PCMTD2: variants seen among roughly 807,000 people sequenced by gnomAD.
PCMTD2 encodes protein-L-isoaspartate O-methyltransferase domain-containing protein 2.
A neutral mutation model predicts 33.4 loss-of-function variants in PCMTD2; 16 were observed. The ratio of observed to expected loss-of-function variants is 0.48; its 90% confidence interval spans 0.32 to 0.73. PCMTD2 has a LOEUF of 0.73. PCMTD2 is among the 30% of genes least tolerant of loss of function. The probability of loss-of-function intolerance (pLI) is 0.03; values close to 1 mark genes in which losing one functional copy is unlikely to be tolerated. For missense variants in PCMTD2, 374 were observed against 449.9 expected (o/e 0.83, Z 1.53); for synonymous variants, 161 against 160.8 (o/e 1.00, Z -0.01).
At chr20:64,257,117 T>C (rs573133796) in intron 1 of PCMTD2, 2 of 152,390 alleles carry the variant, frequency 1.3e-5, no homozygotes, top group East Asian at 3.9e-4. Flanking sequence ...TTGGGTCCTT[T>C]TCCCCACTCA....
chr20:64,256,714 G>C (rs1985184327), intron 1 of PCMTD2: 2 of 152,332 alleles, frequency 1.3e-5, no homozygotes, highest in African/African-American at 4.8e-5. Flanking sequence ...GACCGATCCA[G>C]GGCCTTGCTC....
chr20:64,261,048 A>G (rs1227193460), intron 2 of PCMTD2, among the ~76,000 whole-genome samples: 2 of 152,128 alleles, frequency 1.3e-5, no homozygotes. Context: ...AATTAGTTTC[A>G]GGGATGGAAG....
chr20:64,264,018 A>G (rs1985547009), intron 2 of PCMTD2, among the ~76,000 whole-genome samples: 1 of 152,170 alleles, frequency 6.6e-6, no homozygotes, highest in Non-Finnish European at 1.5e-5. Context: ...TTTTATCTTA[A>G]TGATGATGAT....
intron 5 of PCMTD2, among the ~76,000 whole-genome samples, chr20:64,270,713 T>TA (rs1229247359): frequency 6.6e-6 from 1 of 152,178 alleles, no homozygotes; most frequent in Admixed American, 6.5e-5. Context: ...GATTCAGTGA[T>TA]ACATAAAATG....
At position 64,275,454 on chromosome 20, in the gene PCMTD2, A is replaced by G. The variant is rs1986068828; in HGVS notation, c.*1854A>G. 1 of 152,160 alleles carries G rather than the reference A, an allele frequency of 6.6e-6. No individual in the cohort carries two copies. The highest frequency in any genetic ancestry group is 2.1e-4 in the South Asian group (1 of 4,832). 9.4% of individuals were successfully genotyped at this position (152,160 alleles called of 1,614,324 possible). A position where few individuals can be genotyped will look rare whatever the true frequency, so the allele number is the denominator to read the frequency against. ...TTTTAAAAAAACCGCATTTGCCTTT[A>G]TGCTAGATTGTAAAAAATTATATTA... On this transcript the variant is annotated 3_prime_UTR_variant, in exon 6 of 6. Transcript: ENST00000308824.
chr20:64,269,654 G>T (rs1985803444), intron 5 of PCMTD2, among the ~76,000 whole-genome samples: 1 of 152,038 alleles, frequency 6.6e-6, no homozygotes, highest in South Asian at 2.1e-4. Context: ...GCGTGGTGTG[G>T]GGTGTGTAAG....
intron 5 of PCMTD2, among the ~76,000 whole-genome samples, chr20:64,272,400 C>CT (rs1341781782): frequency 6.6e-6 from 1 of 152,190 alleles, no homozygotes; most frequent in Non-Finnish European, 1.5e-5. Context: ...GTCAAATGTT[C>CT]TTTCTCCTTG....
chr20:64,257,343 G>C (rs539344465), intron 1 of PCMTD2, among the ~76,000 whole-genome samples: 9 of 152,236 alleles, frequency 5.9e-5, no homozygotes, highest in Admixed American at 4.6e-4. Context: ...AGTTCGCATT[G>C]TAAGGAGCAG....
At chr20:64,270,092 TGAG>T (rs1165937498) in intron 5 of PCMTD2, among the ~76,000 whole-genome samples, 1 of 135,978 alleles carries the variant, frequency 7.4e-6, no homozygotes, top group Non-Finnish European at 1.6e-5. Context: ...TGTGGGGTCT[TGAG>T]TTCAGGCGTG....
At chr20:64,273,060 T>C (rs1985970669) in intron 5 of PCMTD2, among the ~76,000 whole-genome samples, 161 bp from the exon 6 acceptor site, 1 of 152,230 alleles carries the variant, frequency 6.6e-6, no homozygotes, top group African/African-American at 2.4e-5. Flanking sequence ...GATTGTAAAT[T>C]AGAGCACTAA....
chr20:64,259,941 G>T lies in PCMTD2; in HGVS notation c.-24-1G>T. On this transcript the variant is annotated splice_acceptor_variant, in intron 1 of 5. Coordinates refer to ENST00000308824, the MANE Select transcript of PCMTD2 (RefSeq NM_018257.3). LOFTEE classifies it low-confidence loss of function (5UTR_SPLICE). ...CTCTTTTTAAACATTTTTAATTATA[G>T]TATTGCCTAAGTGTAATCTTGAACA... is the stretch of plus-strand genomic sequence containing the variant. 1 of 1,494,880 alleles carries T rather than the reference G, an allele frequency of 6.7e-7. No individual in the cohort carries two copies. The highest frequency in any genetic ancestry group is 9.3e-7 in the Non-Finnish European group (1 of 1,077,616). The allele number at this position is 1,494,880 out of a possible 1,614,324, so 92.6% of individuals were successfully genotyped here.
At chr20:64,264,561 A>G in intron 3 of PCMTD2, 30 bp downstream of exon 3, 1 of 1,063,456 alleles carries the variant, frequency 9.4e-7, no homozygotes. Context: ...ATTGGCTCAG[A>G]TGATGTGAAC....
intron 5 of PCMTD2, among the ~76,000 whole-genome samples, chr20:64,269,963 C>T (rs1985828794): frequency 1.6e-5 from 2 of 128,126 alleles, no homozygotes; most frequent in Admixed American, 1.6e-4. Flanking sequence ...TGAGGGCGTG[C>T]ACGGTGTGGG....
chr20:64,260,163 G>T lies in PCMTD2; in HGVS notation c.198G>T (p.Pro66=), dbSNP rs572183204. The change falls in exon 2 of 6, where the codon CCG becomes CCT. Residue 66 remains proline, a synonymous_variant. Transcript: ENST00000308824. ...ATGGAAACATTCACCTCTCAGCCCC[G>T]TGCATCTACTCGGAGGTGATGGAAG... ...WKHGNIHLSA[P]CIYSEVMEAL... The T allele has an allele frequency of 9.3e-5, 150 of 1,612,834 alleles. No individual in the cohort carries two copies. Among genetic ancestry groups the T allele is most frequent in the Non-Finnish European group, 1.2e-4 (147 of 1,178,964 alleles).
chr20:64,258,260 G>C (rs1601737787), intron 1 of PCMTD2, among the ~76,000 whole-genome samples: 1 of 152,198 alleles, frequency 6.6e-6, no homozygotes, highest in African/African-American at 2.4e-5. Flanking sequence ...CTAGGGTGCA[G>C]CCTCAGAACT....
chr20:64,266,978 T>G (rs913522439), intron 4 of PCMTD2, among the ~76,000 whole-genome samples: 3 of 152,252 alleles, frequency 2.0e-5, no homozygotes, highest in African/African-American at 7.2e-5. Flanking sequence ...GAATGTTTGT[T>G]GATATTTACT....
At chr20:64,269,474 A>G (rs537347696) in intron 5 of PCMTD2, among the ~76,000 whole-genome samples, 1 of 152,352 alleles carries the variant, frequency 6.6e-6, no homozygotes, top group African/African-American at 2.4e-5. Flanking sequence ...TTAGATGATC[A>G]ACAGTAATGT....
In PCMTD2 at chr20:64,273,405, C is replaced by A; in HGVS notation, c.891C>A (p.Val297=). 1 of 1,614,060 alleles carries A rather than the reference C, an allele frequency of 6.2e-7. No individual in the cohort carries two copies. Among genetic ancestry groups the A allele is most frequent in the Non-Finnish European group, 8.5e-7 (1 of 1,179,916 alleles). Residue 297 remains valine, a synonymous_variant, in exon 6 of 6, where the codon GTC becomes GTA. Transcript: ENST00000308824. ...CGATTGTCTTTTTGGACAAAGAAGT[C>A]TTTGCCAGTCGGATTTCCAACCCCT... The part of the protein sequence containing the change: ...METIVFLDKE[V]FASRISNPSD...
chr20:64,270,785 CCTT>C (rs1320019649), intron 5 of PCMTD2, among the ~76,000 whole-genome samples: 1 of 135,074 alleles, frequency 7.4e-6, no homozygotes, highest in Non-Finnish European at 1.6e-5. Context: ...ATGGTACAGT[CCTT>C]CTGAGGAAGG....
Sources: gnomAD v4.1 joint callset for allele counts (sites outside exome capture counted in the v4.1 genomes callset) on GRCh38, gnomAD v4.1.1 for gene constraint, MANE v1.5 for transcripts, NCBI Gene and HGNC (gene_info 2026-07-23, HGNC 2026-07-21) for gene names.